Variants in UBXN2A observed in about 807,000 individuals in gnomAD.
The protein encoded by UBXN2A is UBX domain protein 2A.
Under a neutral mutation model 28.4 loss-of-function variants are expected in UBXN2A, and 28 were observed. That is an observed-to-expected ratio of 0.99 (90% CI 0.73 to 1.35). The LOEUF is 1.35. Ranked by LOEUF, UBXN2A falls within the 40% of genes most tolerant of loss-of-function variation. The pLI is 0.00. For missense variants in UBXN2A, 253 were observed against 297.9 expected, an observed-to-expected ratio of 0.85 and a Z score of 1.11; for synonymous variants, 97 against 103.6, an observed-to-expected ratio of 0.94 and a Z score of 0.39.
intron 5 of UBXN2A, among the ~76,000 whole-genome samples, chr2:23,984,235 T>TA (rs1225427122): frequency 6.6e-6 from 1 of 152,206 alleles, no homozygotes; most frequent in African/African-American, 2.4e-5. Context: ...CATACAAATA[T>TA]ATCTGGATGC....
intron 2 of UBXN2A, among the ~76,000 whole-genome samples, chr2:23,963,032 T>C (rs535705069): frequency 6.6e-6 from 1 of 152,334 alleles, no homozygotes; most frequent in African/African-American, 2.4e-5. Flanking sequence ...AGAGAGAGTT[T>C]GTGCAGGGGA....
At chr2:23,944,279 TC>T (rs35466226) in intron 1 of UBXN2A, 3 of 1,604,854 alleles carry the variant, frequency 1.9e-6, no homozygotes, top group Non-Finnish European at 2.6e-6. Flanking sequence ...GCCTGAAGAT[TC>T]CCCAGCTATA....
chr2:23,933,206 A>G (rs1027459165), intron 1 of UBXN2A, among the ~76,000 whole-genome samples: 20 of 117,636 alleles, frequency 1.7e-4, no homozygotes, highest in African/African-American at 5.5e-4. Flanking sequence ...AAATAGATCT[A>G]ATAAAAATAA....
chr2:23,967,418 G>A (rs1051602490), intron 2 of UBXN2A, among the ~76,000 whole-genome samples: 1 of 152,110 alleles, frequency 6.6e-6, no homozygotes, highest in Non-Finnish European at 1.5e-5. Flanking sequence ...AGCATAAAAT[G>A]GTTATAATGA....
intron 5 of UBXN2A, among the ~76,000 whole-genome samples, chr2:23,983,929 G>A (rs529075360): frequency 2.0e-5 from 3 of 152,294 alleles, no homozygotes; most frequent in Admixed American, 2.0e-4. Context: ...ACCCACCTCG[G>A]CCTCCCAAAG....
chr2:23,959,636 G>T (rs558919632), intron 2 of UBXN2A, among the ~76,000 whole-genome samples: 1 of 152,262 alleles, frequency 6.6e-6, no homozygotes, highest in East Asian at 1.9e-4. Context: ...TTACAGTGAA[G>T]GGTTGCAAAG....
rs547287332 is a variant in UBXN2A, at chr2:23,987,653, C to T, written c.584+2822C>T. Among the ~76,000 whole-genome samples, 246 of 151,832 alleles carry T rather than the reference C, an allele frequency of 1.6e-3. 2 individuals carry two copies. The highest frequency in any genetic ancestry group is 5.6e-3 in the African/African-American group (232 of 41,420). ...ATTAGCCGGGCGTGGTGGCAAGTGC[C>T]TGTAGTCCCAGCTACTCGGGAGGCT... is the stretch of plus-strand genomic sequence containing the variant. On this transcript the variant is annotated intron_variant, in intron 6 of 6. Coordinates refer to ENST00000309033, the MANE Select transcript of UBXN2A (RefSeq NM_181713.4).
At chr2:23,996,056 G>C (rs888753381) in intron 6 of UBXN2A, among the ~76,000 whole-genome samples, 7 of 146,424 alleles carry the variant, frequency 4.8e-5, no homozygotes, top group African/African-American at 1.8e-4. Flanking sequence ...GCGTCACCAC[G>C]CCTGGCTAAT....
chr2:23,935,717 C>T (rs909508534), upstream of UBXN2A, among the ~76,000 whole-genome samples: 1 of 152,104 alleles, frequency 6.6e-6, no homozygotes, highest in African/African-American at 2.4e-5. Flanking sequence ...AAAAGTTAAA[C>T]ACAGAAATAC....
At chr2:23,945,830 CTTTT>C (rs796764799) in intron 1 of UBXN2A, among the ~76,000 whole-genome samples, 1 of 138,764 alleles carries the variant, frequency 7.2e-6, no homozygotes, top group Non-Finnish European at 1.6e-5. Flanking sequence ...TTTTTCTTCT[CTTTT>C]TTTTTTTTTG....
chr2:23,972,504 T>C (rs1253380150), intron 3 of UBXN2A, among the ~76,000 whole-genome samples: 4 of 152,186 alleles, frequency 2.6e-5, no homozygotes, highest in Admixed American at 2.0e-4. Flanking sequence ...TAATTAAGAA[T>C]GTCCTTGATG....
chr2:23,933,808 C>A (rs186483258), intron 1 of UBXN2A, among the ~76,000 whole-genome samples: 14 of 152,274 alleles, frequency 9.2e-5, no homozygotes, highest in Admixed American at 5.2e-4. Context: ...TATAGGGAGG[C>A]CATCAATGAA....
chr2:24,004,095 G>A lies in UBXN2A; in HGVS notation c.*4228G>A, dbSNP rs1283176619. 4 of 152,134 alleles carry A rather than the reference G, an allele frequency of 2.6e-5. No individual in the cohort carries two copies. Among genetic ancestry groups the A allele is most frequent in the African/African-American group, 9.7e-5 (4 of 41,438 alleles). The allele number at this position is 152,134 out of a possible 1,614,324, so 9.4% of individuals were successfully genotyped here. ...ACCTTCATTATTCTAACTGTGAAAC[G>A]TTCATTAATGCGAATAATATCCTCA... On this transcript the variant is annotated 3_prime_UTR_variant, in exon 7 of 7. Coordinates refer to ENST00000309033, the MANE Select transcript of UBXN2A (RefSeq NM_181713.4).
At position 23,940,658 on chromosome 2, in the gene UBXN2A, C is replaced by G. The variant is rs1370503890; in HGVS notation, c.-15+10C>G. 6.6e-6 allele frequency: 1 copy of G among 151,654 alleles called. No homozygotes were observed. Among genetic ancestry groups the G allele is most frequent in the Non-Finnish European group, 1.5e-5 (1 of 68,000 alleles). 9.4% of individuals were successfully genotyped at this position (151,654 alleles called of 1,614,324 possible). Reference sequence around the variant, plus strand: ...GAGGCCGTGCCCGGAGGTGAGCGTCCCGGGGCCGCGCCGCGTCCGGCGGGG... The same window carrying G: ...GAGGCCGTGCCCGGAGGTGAGCGTCGCGGGGCCGCGCCGCGTCCGGCGGGG... On this transcript the variant is annotated intron_variant, in intron 1 of 6. Coordinates refer to ENST00000309033, the MANE Select transcript of UBXN2A (RefSeq NM_181713.4).
At chr2:23,932,658 ATAATT>A (rs759626273) in intron 1 of UBXN2A, among the ~76,000 whole-genome samples, 8 of 152,324 alleles carry the variant, frequency 5.3e-5, no homozygotes, top group East Asian at 1.9e-4. Context: ...CCTCAGGACA[ATAATT>A]TAAGTTAAAT....
chr2:23,979,712 G>A (rs1269617457), intron 4 of UBXN2A, among the ~76,000 whole-genome samples: 1 of 152,022 alleles, frequency 6.6e-6, no homozygotes, highest in Non-Finnish European at 1.5e-5. Flanking sequence ...GGAACGATAG[G>A]TGTATGTCAC....
chr2:23,927,414 C>A (rs1352632649), exon 1 of UBXN2A: 1 of 153,666 alleles, frequency 6.5e-6, no homozygotes, highest in African/African-American at 2.4e-5. Context: ...ACCGTCACCC[C>A]CGTGGCCTGG....
chr2:24,001,000 CGTTT>C lies in UBXN2A; in HGVS notation c.*1139_*1142del, dbSNP rs1708715153. On this transcript the variant is annotated 3_prime_UTR_variant, in exon 7 of 7. Coordinates refer to ENST00000309033, the MANE Select transcript of UBXN2A (RefSeq NM_181713.4). ...AAAGTATGGTTTTCTGTTTCTTTTTCGTTTGTTTGAGATGGAGTTTCGCTCTTGT... is the reference window on the plus strand; with the variant it reads ...AAAGTATGGTTTTCTGTTTCTTTTTCGTTTGAGATGGAGTTTCGCTCTTGT... 1.3e-5 allele frequency: 2 copies of C among 151,972 alleles called. No individual in the cohort carries two copies. Among genetic ancestry groups the C allele is most frequent in the South Asian group, 4.2e-4 (2 of 4,802 alleles). 9.4% of individuals were successfully genotyped at this position (151,972 alleles called of 1,614,324 possible).
chr2:23,975,257 T>G (rs1707607440), intron 3 of UBXN2A, among the ~76,000 whole-genome samples: 1 of 152,118 alleles, frequency 6.6e-6, no homozygotes, highest in African/African-American at 2.4e-5. Context: ...GTTGGTAAGT[T>G]TCAGATTCCA....
Sources: allele counts gnomAD v4.1 joint callset (sites outside exome capture counted in the v4.1 genomes callset), GRCh38; gene constraint gnomAD v4.1.1; transcripts MANE v1.5; gene names NCBI Gene and HGNC (gene_info 2026-07-23, HGNC 2026-07-21).